POLR1F: variants seen among roughly 807,000 people sequenced by gnomAD.
POLR1F encodes RNA polymerase I subunit F, also known as DNA-directed RNA polymerase I subunit RPA43.
A neutral mutation model predicts 21.8 loss-of-function variants in POLR1F; 23 were observed. That is an observed-to-expected ratio of 1.05 (90% CI 0.76 to 1.49). The LOEUF is 1.49. Ranked by LOEUF, POLR1F falls within the 40% of genes most tolerant of loss-of-function variation. The pLI, the probability that POLR1F is intolerant of heterozygous loss-of-function variation, is 0.00. For missense variants in POLR1F, 435 were observed against 412.1 expected, an observed-to-expected ratio of 1.06 and a Z score of -0.48; for synonymous variants, 162 against 152.8, an observed-to-expected ratio of 1.06 and a Z score of -0.45.
chr7:19,700,438 C>G (rs189059188), intron 2 of POLR1F, 158 bp from the exon 3 acceptor site: 4 of 612,560 alleles, frequency 6.5e-6, no homozygotes, highest in Middle Eastern at 4.1e-4. Flanking sequence ...TTAAAACTTA[C>G]CACATGTCAT....
chr7:19,702,521 G>T (rs1404174814), intron 2 of POLR1F, among the ~76,000 whole-genome samples: 1 of 152,116 alleles, frequency 6.6e-6, no homozygotes, highest in Non-Finnish European at 1.5e-5. Flanking sequence ...AAATTTCTTT[G>T]ATAGGGTCCA....
In POLR1F at chr7:19,708,996, C is replaced by A; in HGVS notation, c.21G>T (p.Glu7Asp). 2 of 1,592,250 alleles carry A rather than the reference C, an allele frequency of 1.3e-6. No homozygotes were observed. Among genetic ancestry groups the A allele is most frequent in the Non-Finnish European group, 8.6e-7 (1 of 1,168,406 alleles). MAAGCS[E>D]APRPAAASDG... ...CAGAAGCCGCCGCTGGCCGCGGCGC[C>A]TCTGAGCAACCTGCAGCCATGCTGC... The change falls in exon 1 of 4, where the codon GAG (glutamate) becomes GAT (aspartate). Residue 7 changes from glutamate (E) to aspartate (D), a missense_variant. Coordinates refer to ENST00000222567, the MANE Select transcript of POLR1F (RefSeq NM_001002926.2).
intron 2 of POLR1F, among the ~76,000 whole-genome samples, chr7:19,702,481 G>C (rs974688218): frequency 2.0e-5 from 3 of 152,164 alleles, no homozygotes; most frequent in Non-Finnish European, 2.9e-5. Flanking sequence ...GAAGTCGACA[G>C]AACAGTATCT....
chr7:19,703,876 G>C (rs1047079078), intron 2 of POLR1F, among the ~76,000 whole-genome samples: 6 of 152,170 alleles, frequency 3.9e-5, no homozygotes, highest in Admixed American at 3.3e-4. Flanking sequence ...TTGTAGGTGT[G>C]AGCCACTGTG....
Position 19,698,588 on chromosome 7 carries a change from C to A in POLR1F, c.745G>T (p.Asp249Tyr). The part of the protein sequence containing the change: ...EVDSGTTKLA[D>Y]DADDTPMEES... ...TCCATTGGAGTGTCATCTGCATCAT[C>A]TGCTAGCTTTGTGGTACCACTGTCC... The change falls in exon 4 of 4, where the codon GAT (aspartate) becomes TAT (tyrosine). Residue 249 changes from aspartate to tyrosine, a missense_variant. Asp to Tyr is a radical substitution (Grantham distance 160). Transcript: ENST00000222567. 6.2e-7 allele frequency: 1 copy of A among 1,613,510 alleles called. No homozygotes were observed. Among genetic ancestry groups the A allele is most frequent in the Non-Finnish European group, 8.5e-7 (1 of 1,179,808 alleles).
Position 19,708,850 on chromosome 7 carries a change from T to A in POLR1F, c.167A>T (p.His56Leu). ...AAGGTAGCGGGGCGACAGCGCGATG[T>A]GCCTTTGGTGCGGCCCGGCCACCAG... Reference protein sequence around the residue: ...SCLVAGPHQRHIALSPRYLNR... With the variant: ...SCLVAGPHQRLIALSPRYLNR... The change falls in exon 1 of 4, where the codon CAC (histidine) becomes CTC (leucine). Residue 56 changes from histidine (H) to leucine (L), a missense_variant. Physicochemically the swap from His to Leu is moderately conservative, Grantham distance 99. Coordinates refer to ENST00000222567, the MANE Select transcript of POLR1F (RefSeq NM_001002926.2). 18 of 1,614,224 alleles carry A rather than the reference T, an allele frequency of 1.1e-5. No homozygotes were observed. The highest frequency in any genetic ancestry group is 2.2e-5 in the South Asian group (2 of 91,080).
chr7:19,704,630 T>A (rs757760063), intron 2 of POLR1F, 149 bp downstream of exon 2: 8 of 731,278 alleles, frequency 1.1e-5, no homozygotes, highest in Non-Finnish European at 1.7e-5. Flanking sequence ...GTTTGAATGA[T>A]ACAAATTAAT....
In POLR1F at chr7:19,698,426, G is replaced by T; in HGVS notation, c.907C>A (p.Gln303Lys). The T allele has an allele frequency of 6.2e-7, 1 of 1,609,724 alleles. No individual in the cohort carries two copies. The highest frequency in any genetic ancestry group is 8.5e-7 in the Non-Finnish European group (1 of 1,178,500). Residue 303 changes from glutamine (Q) to lysine (K), a missense_variant, in exon 4 of 4, where the codon CAA becomes AAA. Gln to Lys is a moderately conservative substitution (Grantham distance 53, BLOSUM62 1). Transcript: ENST00000222567. ...VFQGSDSSGY[Q>K]SDHKKKKKKR... ...TTTTTTTTCTTTTTATGGTCACTTTGGTAACCACTGGAGTCACTGCCTTGG... is the reference window on the plus strand; with the variant it reads ...TTTTTTTTCTTTTTATGGTCACTTTTGTAACCACTGGAGTCACTGCCTTGG...
chr7:19,698,426 G>A lies in POLR1F; in HGVS notation c.907C>T (p.Gln303Ter). The change falls in exon 4 of 4, where the codon CAA (glutamine) becomes TAA (stop). Residue 303 changes from glutamine to a stop codon, truncating the protein, a stop_gained. Coordinates refer to ENST00000222567, the MANE Select transcript of POLR1F (RefSeq NM_001002926.2). LOFTEE classifies it high-confidence loss of function. The part of the protein sequence containing the change: ...VFQGSDSSGY[Q>*]SDHKKKKKKR... ...TTTTTTTTCTTTTTATGGTCACTTT[G>A]GTAACCACTGGAGTCACTGCCTTGG... 1 of 1,609,724 alleles carries A rather than the reference G, an allele frequency of 6.2e-7. No individual in the cohort carries two copies. The highest frequency in any genetic ancestry group is 8.5e-7 in the Non-Finnish European group (1 of 1,178,500).
Position 19,708,798 on chromosome 7 carries a change from T to G in POLR1F, c.219A>C (p.Glu73Asp). ...AGCGAAGGAGCTCCGCATCAAGCTG[T>G]TCTCGAATGCCGGTGCGTTTCCTGT... ...YLNRKRTGIR[E>D]QLDAELLRYS... The change falls in exon 1 of 4, where the codon GAA (glutamate) becomes GAC (aspartate). Residue 73 changes from glutamate to aspartate, a missense_variant. By Grantham distance (45) the Glu-to-Asp change is conservative. Coordinates refer to ENST00000222567, the MANE Select transcript of POLR1F (RefSeq NM_001002926.2). 2 of 1,614,034 alleles carry G rather than the reference T, an allele frequency of 1.2e-6. No homozygotes were observed. The highest frequency in any genetic ancestry group is 1.7e-6 in the Non-Finnish European group (2 of 1,179,862).
Position 19,700,177 on chromosome 7 carries a change from T to C in POLR1F, c.500A>G (p.Gln167Arg). The change falls in exon 3 of 4, where the codon CAA (glutamine) becomes CGA (arginine). Residue 167 changes from glutamine (Q) to arginine (R), a missense_variant. Transcript: ENST00000222567. ...ATCACCCATGTTTATCTCCATGGTT[T>C]GCCACTGCTCAGCTGACAACTGCTC... Reference protein sequence around the residue: ...KPEQLSAEQWQTMEINMGDEL... With the variant: ...KPEQLSAEQWRTMEINMGDEL... The C allele has an allele frequency of 6.2e-7, 1 of 1,613,994 alleles. No homozygotes were observed. Among genetic ancestry groups the C allele is most frequent in the Non-Finnish European group, 8.5e-7 (1 of 1,179,866 alleles).
chr7:19,699,606 G>A (rs554223553), intron 3 of POLR1F, among the ~76,000 whole-genome samples: 15 of 152,218 alleles, frequency 9.9e-5, no homozygotes, highest in African/African-American at 3.6e-4. Flanking sequence ...ATGGAATCAA[G>A]CTCAAGATCA....
chr7:19,698,810 T>C, intron 3 of POLR1F, 83 bp from the exon 4 acceptor site: 1 of 1,157,720 alleles, frequency 8.6e-7, no homozygotes. Flanking sequence ...CCCAACAGGC[T>C]AAGATTTTCT....
chr7:19,698,540 T>G lies in POLR1F; in HGVS notation c.793A>C (p.Asn265His). Reference protein sequence around the residue: ...PMEESALQNTNNANGIWEEEP... With the variant: ...PMEESALQNTHNANGIWEEEP... Reference sequence around the variant, plus strand: ...TCCTCCCAGATGCCATTCGCATTATTAGTATTCTGCAGGGCTGACTCTTCC... The same window carrying G: ...TCCTCCCAGATGCCATTCGCATTATGAGTATTCTGCAGGGCTGACTCTTCC... The change falls in exon 4 of 4, where the codon AAT becomes CAT. Residue 265 changes from asparagine (N) to histidine (H), a missense_variant. Asn to His is a moderately conservative substitution (Grantham distance 68, BLOSUM62 1). Transcript: ENST00000222567. 1 of 1,608,786 alleles carries G rather than the reference T, an allele frequency of 6.2e-7. No homozygotes were observed. The highest frequency in any genetic ancestry group is 8.5e-7 in the Non-Finnish European group (1 of 1,178,676).
At chr7:19,705,179 T>A (rs1783504347) in intron 1 of POLR1F, among the ~76,000 whole-genome samples, 1 of 152,112 alleles carries the variant, frequency 6.6e-6, no homozygotes, top group Non-Finnish European at 1.5e-5. Flanking sequence ...AACTTACACA[T>A]CTCCTAAATA....
At chr7:19,707,583 C>T (rs1278776813) in intron 1 of POLR1F, among the ~76,000 whole-genome samples, 1 of 152,188 alleles carries the variant, frequency 6.6e-6, no homozygotes, top group African/African-American at 2.4e-5. Context: ...GTTTATGCCA[C>T]TCTCTTTGCC....
intron 1 of POLR1F, among the ~76,000 whole-genome samples, chr7:19,707,814 T>C (rs12673842): frequency 0.11 from 16,301 of 152,222 alleles, 1,658 homozygotes; most frequent in East Asian, 0.59. Context: ...AATATAAACA[T>C]ACAAGAAGTG....
intron 2 of POLR1F, 34 bp downstream of exon 2, chr7:19,704,745 T>C (rs1426448548): frequency 1.3e-6 from 2 of 1,556,642 alleles, no homozygotes; most frequent in Non-Finnish European, 1.7e-6. Flanking sequence ...TATAGAATTA[T>C]ACAAAGGGAG....
rs1457660672 is a variant in POLR1F, at chr7:19,695,551, A to G, written c.*2765T>C. 1.3e-5 allele frequency: 2 copies of G among 152,118 alleles called. No homozygotes were observed. Among genetic ancestry groups the G allele is most frequent in the African/African-American group, 2.4e-5 (1 of 41,450 alleles). The allele number at this position is 152,118 out of a possible 1,614,324, so 9.4% of individuals were successfully genotyped here. On this transcript the variant is annotated 3_prime_UTR_variant, in exon 4 of 4. Transcript: ENST00000222567. ...AAGGATTCACTGTTAAATACTATAG[A>G]TATAGTTAAGGCATAATTCCAGCCC... is the stretch of plus-strand genomic sequence containing the variant.
Sources: allele counts gnomAD v4.1 joint callset (sites outside exome capture counted in the v4.1 genomes callset), GRCh38; gene constraint gnomAD v4.1.1; transcripts MANE v1.5; gene names NCBI Gene and HGNC (gene_info 2026-07-23, HGNC 2026-07-21).